The following PPME1 variants were observed in gnomAD, a reference collection of about 807,000 sequenced individuals.
PPME1 encodes testicular secretory protein Li 39.
Under a neutral mutation model 56.9 loss-of-function variants are expected in PPME1, and 17 were observed. The ratio of observed to expected loss-of-function variants is 0.30; its 90% confidence interval spans 0.20 to 0.45. The LOEUF (loss-of-function observed/expected upper bound fraction) is 0.45. PPME1 is among the 20% of genes least tolerant of loss of function. PPME1 has a pLI of 1.00. For synonymous variants in PPME1, 122 were observed against 156.2 expected, an observed-to-expected ratio of 0.78 and a Z score of 1.63; for missense variants, 357 against 483.2, an observed-to-expected ratio of 0.74 and a Z score of 2.45.
intron 13 of PPME1, among the ~76,000 whole-genome samples, chr11:74,253,155 A>T (rs1198424029): frequency 6.6e-6 from 1 of 152,136 alleles, no homozygotes; most frequent in Non-Finnish European, 1.5e-5. Context: ...AGATGATGGC[A>T]AGACCTTGGG....
chr11:74,222,960 CTTTTAAG>C (rs1235027431), intron 4 of PPME1, among the ~76,000 whole-genome samples: 11 of 146,992 alleles, frequency 7.5e-5, no homozygotes, highest in Admixed American at 2.0e-4. Flanking sequence ...TTTTATTATA[CTTTTAAG>C]TTTTAGGGTA....
intron 3 of PPME1, among the ~76,000 whole-genome samples, chr11:74,220,006 A>C (rs1858755657): frequency 6.6e-6 from 1 of 152,176 alleles, no homozygotes; most frequent in South Asian, 2.1e-4. Context: ...CTGTATCAGA[A>C]TATCTAATGT....
At chr11:74,207,413 A>AAAAC (rs556238697) in intron 3 of PPME1, among the ~76,000 whole-genome samples, 2 of 152,220 alleles carry the variant, frequency 1.3e-5, no homozygotes, top group Non-Finnish European at 2.9e-5. Flanking sequence ...TTTAGTAACA[A>AAAAC]AAACAAACAA....
intron 1 of PPME1, among the ~76,000 whole-genome samples, chr11:74,176,344 C>G (rs183478603): frequency 6.6e-6 from 1 of 152,078 alleles, no homozygotes; most frequent in Non-Finnish European, 1.5e-5. Flanking sequence ...ATGAGCTATT[C>G]ACACAGATGG....
intron 1 of PPME1, among the ~76,000 whole-genome samples, chr11:74,194,547 C>T (rs148268715): frequency 0.016 from 2,464 of 151,240 alleles, 45 homozygotes; most frequent in Non-Finnish European, 0.024. Flanking sequence ...TATATAATTA[C>T]AATATATAAG....
intron 1 of PPME1, among the ~76,000 whole-genome samples, chr11:74,180,224 A>G (rs1857495909): frequency 6.6e-6 from 1 of 152,138 alleles, no homozygotes; most frequent in Non-Finnish European, 1.5e-5. Flanking sequence ...GGCATATCAC[A>G]TTGTAGACAA....
At chr11:74,219,828 A>T (rs1029635892) in intron 3 of PPME1, among the ~76,000 whole-genome samples, 13 of 152,132 alleles carry the variant, frequency 8.5e-5, no homozygotes, top group Non-Finnish European at 1.5e-4. Flanking sequence ...AATGAATAAG[A>T]TCTTGTATTT....
At chr11:74,220,463 G>A (rs1229051397) in intron 3 of PPME1, among the ~76,000 whole-genome samples, 1 of 152,158 alleles carries the variant, frequency 6.6e-6, no homozygotes, top group Non-Finnish European at 1.5e-5. Context: ...GTATTTAGGT[G>A]ATTGATTCTG....
intron 11 of PPME1, chr11:74,249,362 A>T (rs997537223): frequency 1.3e-5 from 2 of 152,306 alleles, no homozygotes; most frequent in South Asian, 2.1e-4. Context: ...TAAGGCTCCT[A>T]ATCTGTGCAA....
intron 1 of PPME1, among the ~76,000 whole-genome samples, chr11:74,198,455 T>C (rs1858050658): frequency 6.6e-6 from 1 of 152,178 alleles, no homozygotes; most frequent in Non-Finnish European, 1.5e-5. Context: ...CTCTTCATTT[T>C]CTTTTCTTGT....
intron 8 of PPME1, chr11:74,238,918 A>T (rs1388654585): frequency 4.8e-5 from 23 of 474,942 alleles, no homozygotes; most frequent in Non-Finnish European, 8.7e-5. Context: ...ATGGGTCAGT[A>T]TTGGTGCAAG....
chr11:74,198,539 G>A (rs1253228751), intron 1 of PPME1, among the ~76,000 whole-genome samples: 1 of 152,102 alleles, frequency 6.6e-6, no homozygotes, highest in Non-Finnish European at 1.5e-5. Context: ...ACAACTCACT[G>A]CATCCTTGAT....
chr11:74,235,852 T>TA (rs1328629048), intron 7 of PPME1, 49 bp from the exon 8 acceptor site: 2 of 1,572,990 alleles, frequency 1.3e-6, no homozygotes, highest in African/African-American at 2.7e-5. Flanking sequence ...AATGATGTGA[T>TA]ACAATAGATA....
At chr11:74,188,959 G>C (rs904604221) in intron 1 of PPME1, among the ~76,000 whole-genome samples, 7 of 152,148 alleles carry the variant, frequency 4.6e-5, no homozygotes, top group African/African-American at 1.4e-4. Context: ...CAATGTTGAA[G>C]TATAAAACAA....
chr11:74,201,006 C>T (rs929419383), intron 1 of PPME1, among the ~76,000 whole-genome samples: 10 of 150,882 alleles, frequency 6.6e-5, no homozygotes, highest in Non-Finnish European at 1.0e-4. Context: ...GATGGAGTCT[C>T]GCTCTGTAAC....
At chr11:74,251,047 G>A (rs1434942328) in intron 12 of PPME1, 29 bp downstream of exon 12, 1 of 1,570,470 alleles carries the variant, frequency 6.4e-7, no homozygotes, top group Non-Finnish European at 8.6e-7. Context: ...GACTGTAAAA[G>A]GACAACTGTG....
chr11:74,213,935 T>A (rs1340694121), intron 3 of PPME1, among the ~76,000 whole-genome samples: 1 of 152,186 alleles, frequency 6.6e-6, no homozygotes, highest in Admixed American at 6.5e-5. Flanking sequence ...CAGTCACTGA[T>A]CAATATTCAC....
At chr11:74,239,380 C>A in intron 9 of PPME1, 124 bp downstream of exon 9, 2 of 1,404,234 alleles carry the variant, frequency 1.4e-6, no homozygotes, top group South Asian at 1.5e-5. Flanking sequence ...AGCCAAGACA[C>A]TATCATAAGA....
chr11:74,193,157 C>G (rs1373033437), intron 1 of PPME1, among the ~76,000 whole-genome samples: 2 of 152,098 alleles, frequency 1.3e-5, no homozygotes, highest in African/African-American at 4.8e-5. Context: ...TATGTTGTAT[C>G]TTTTACTGTT....
Sources: gnomAD v4.1 joint callset for allele counts (sites outside exome capture counted in the v4.1 genomes callset) on GRCh38, gnomAD v4.1.1 for gene constraint, MANE v1.5 for transcripts, NCBI Gene and HGNC (gene_info 2026-07-23, HGNC 2026-07-21) for gene names.